Variants in NSD1 observed in about 807,000 individuals in gnomAD.
NSD1 encodes the protein nuclear receptor binding SET domain protein 1.
In NSD1, 26 loss-of-function variants were observed where a neutral mutation model predicts 242.7. The ratio of observed to expected loss-of-function variants is 0.11; its 90% confidence interval spans 0.08 to 0.15. The LOEUF (loss-of-function observed/expected upper bound fraction) is 0.15, where lower values mean the gene tolerates loss of function less well. Ranked by LOEUF, NSD1 falls within the 10% of genes least tolerant of loss-of-function variation. The pLI, the probability that NSD1 is intolerant of heterozygous loss-of-function variation, is 1.00. For synonymous variants in NSD1, 1,106 were observed against 1,178.1 expected (o/e 0.94, Z 1.25); for missense variants, 2,495 against 3,272.8 (o/e 0.76, Z 5.80).
chr5:177,263,830 A>C (rs1038644572), intron 14 of NSD1, among the ~76,000 whole-genome samples: 13 of 152,170 alleles, frequency 8.5e-5, no homozygotes, highest in Admixed American at 7.2e-4. Flanking sequence ...ATTCAAGAAA[A>C]AGAACTGCAA....
rs755665815 is a variant in NSD1 at position 177,210,876 on chromosome 5, G to A, written c.2477G>A (p.Ser826Asn). ...SSDTKGSPLA[S>N]ISKSGKVDGL... is the part of the protein sequence containing the mutation. ...GATACCAAAGGCTCTCCTTTGGCCA[G>A]CATTTCTAAAAGTGGGAAAGTGGAT... Residue 826 changes from serine (S) to asparagine (N), a missense_variant, in exon 5 of 23, where the codon AGC (serine) becomes AAC (asparagine). Around this residue, in one of 19 missense-constraint regions of NSD1, gnomAD observed 515 missense variants for 467.0 expected, o/e 1.10. Transcript: ENST00000439151. The A allele has an allele frequency of 6.2e-7, 1 of 1,614,150 alleles. No homozygotes were observed. The highest frequency in any genetic ancestry group is 8.5e-7 in the Non-Finnish European group (1 of 1,180,018).
In NSD1 at chr5:177,210,650, C is replaced by G. The variant is rs775181583; in HGVS notation, c.2251C>G (p.Leu751Val). The change falls in exon 5 of 23, where the codon CTC becomes GTC. Residue 751 changes from leucine (L) to valine (V), a missense_variant. By Grantham distance (32) the Leu-to-Val change is conservative. Transcript: ENST00000439151. ...KPQSDFTNDA[L>V]SPKFNLSSSI... ...CCAGTCAGATTTTACAAATGATGCT[C>G]TCTCTCCAAAATTCAACCTGTCATC... The G allele has an allele frequency of 9.9e-6, 16 of 1,614,146 alleles. No homozygotes were observed. The highest frequency in any genetic ancestry group is 1.2e-5 in the Non-Finnish European group (14 of 1,180,020).
At chr5:177,186,875 A>C (rs1177306638) in intron 2 of NSD1, among the ~76,000 whole-genome samples, 1 of 151,970 alleles carries the variant, frequency 6.6e-6, no homozygotes, top group Admixed American at 6.6e-5. Flanking sequence ...GCTGAAATCA[A>C]CGCGCCACTG....
chr5:177,136,199 C>G, intron 2 of NSD1, 169 bp downstream of exon 2: 1 of 622,748 alleles, frequency 1.6e-6, no homozygotes. Flanking sequence ...TTAAATTTAT[C>G]TCTGTTGTAT....
intron 16 of NSD1, among the ~76,000 whole-genome samples, chr5:177,270,832 T>G (rs1230592675): frequency 6.6e-6 from 1 of 152,206 alleles, no homozygotes; most frequent in African/African-American, 2.4e-5. Flanking sequence ...TTTTAGTAGC[T>G]CCTCACTTAC....
intron 2 of NSD1, among the ~76,000 whole-genome samples, chr5:177,158,329 TTTTC>T (rs201158112): frequency 6.1e-4 from 86 of 140,692 alleles, no homozygotes; most frequent in African/African-American, 2.0e-3. Context: ...CTTTTCTTTC[TTTTC>T]TTTCTTTCTT....
intron 20 of NSD1, among the ~76,000 whole-genome samples, chr5:177,284,428 T>C (rs1759136211): frequency 6.6e-6 from 1 of 151,902 alleles, no homozygotes; most frequent in Non-Finnish European, 1.5e-5. Flanking sequence ...TAGGCACATG[T>C]CCCCATTCCC....
intron 21 of NSD1, among the ~76,000 whole-genome samples, chr5:177,289,920 C>T (rs1024210916): frequency 1.3e-5 from 2 of 151,336 alleles, no homozygotes; most frequent in Admixed American, 6.6e-5. Flanking sequence ...CTCCGTCTCC[C>T]GGGTTCACGC....
rs777017125 is a variant in NSD1 at position 177,267,743 on chromosome 5, C to G, written c.5303+25C>G. 5 of 1,610,174 alleles carry G rather than the reference C, an allele frequency of 3.1e-6. No individual in the cohort carries two copies. In the South Asian group the frequency reaches 4.4e-5, roughly 14 times the overall value. ...GGTAAGCCTGAAGAATAGCACTCAT[C>G]TCTTTTACCATCCTCTGTTTCTTGA... On this transcript the variant is annotated intron_variant, in intron 15 of 22. Coordinates refer to ENST00000439151, the MANE Select transcript of NSD1 (RefSeq NM_022455.5).
intron 17 of NSD1, 87 bp downstream of exon 17, chr5:177,273,871 A>C (rs1758138691): frequency 2.2e-6 from 2 of 906,740 alleles, no homozygotes; most frequent in Non-Finnish European, 3.6e-6. Context: ...GAACGGAAGC[A>C]CAAGCATAGT....
chr5:177,156,241 C>T (rs140743421), intron 2 of NSD1, among the ~76,000 whole-genome samples: 2,663 of 125,380 alleles, frequency 0.021, 84 homozygotes, highest in African/African-American at 0.076. Flanking sequence ...AGTGCAGTGG[C>T]GCGATCTTGG....
intron 2 of NSD1, among the ~76,000 whole-genome samples, chr5:177,178,759 A>C (rs1284708283): frequency 6.6e-6 from 1 of 152,146 alleles, no homozygotes; most frequent in African/African-American, 2.4e-5. Context: ...CTTTGTTGAA[A>C]GTGTTTGGTT....
chr5:177,210,994 G>C lies in NSD1; in HGVS notation c.2595G>C (p.Lys865Asn). ...AVVKHVLSEL[K>N]ELSYRSLGED... ...TGAAACATGTTTTATCCGAGTTGAA[G>C]GAACTCTCTTACAGATCCTTAGGTG... Residue 865 changes from lysine to asparagine, a missense_variant, in exon 5 of 23, where the codon AAG (lysine) becomes AAC (asparagine). This residue lies in a region of NSD1 where 121 missense variants were observed against 167.2 expected (regional missense o/e 0.72). Transcript: ENST00000439151. 1 of 1,614,142 alleles carries C rather than the reference G, an allele frequency of 6.2e-7. No homozygotes were observed. The highest frequency in any genetic ancestry group is 8.5e-7 in the Non-Finnish European group (1 of 1,180,012).
In NSD1 at chr5:177,210,844, C is replaced by T. The variant is rs764456592; in HGVS notation, c.2445C>T (p.Cys815=). 1.9e-6 allele frequency: 3 copies of T among 1,614,204 alleles called. No individual in the cohort carries two copies. The highest frequency in any genetic ancestry group is 2.2e-5 in the East Asian group (1 of 44,884). ...ATGAGGAGTGCAGTTTGAAATGCTG[C>T]TCTTCTGATACCAAAGGCTCTCCTT... is the stretch of plus-strand genomic sequence containing the variant. ...VINEECSLKC[C]SSDTKGSPLA... The change falls in exon 5 of 23, where the codon TGC becomes TGT. Residue 815 remains cysteine (C), a synonymous_variant. Transcript: ENST00000439151.
intron 2 of NSD1, among the ~76,000 whole-genome samples, chr5:177,142,021 A>T (rs544983305): frequency 6.6e-6 from 1 of 151,854 alleles, no homozygotes; most frequent in Non-Finnish European, 1.5e-5. Context: ...TTTAGTAGAG[A>T]CAGGGTTTTG....
At chr5:177,147,809 T>C (rs1261507831) in intron 2 of NSD1, among the ~76,000 whole-genome samples, 3 of 151,964 alleles carry the variant, frequency 2.0e-5, no homozygotes, top group Non-Finnish European at 4.4e-5. Flanking sequence ...AGGGTAGTCT[T>C]GAACTCCTGG....
intron 16 of NSD1, among the ~76,000 whole-genome samples, chr5:177,272,680 A>C (rs900368231): frequency 6.6e-6 from 1 of 152,152 alleles, no homozygotes; most frequent in Non-Finnish European, 1.5e-5. Flanking sequence ...CCTTGACCTT[A>C]GGAGTTTAAG....
At chr5:177,266,771 T>C (rs1757517741) in intron 14 of NSD1, 2 of 244,248 alleles carry the variant, frequency 8.2e-6, no homozygotes, top group Non-Finnish European at 1.6e-5. Context: ...CATGTTTGAA[T>C]CATGCTCATT....
chr5:177,152,300 C>A (rs1008655087), intron 2 of NSD1, among the ~76,000 whole-genome samples: 1 of 150,740 alleles, frequency 6.6e-6, no homozygotes, highest in Non-Finnish European at 1.5e-5. Context: ...GCCACTGTGC[C>A]GAGCCAGGTT....
Sources: gnomAD v4.1 joint callset for allele counts (sites outside exome capture counted in the v4.1 genomes callset) on GRCh38, gnomAD v4.1.1 for gene constraint, gnomAD v4.1.1 regional missense constraint, MANE v1.5 for transcripts, NCBI Gene and HGNC (gene_info 2026-07-23, HGNC 2026-07-21) for gene names.